PPP1R21: variants seen among roughly 807,000 people sequenced by gnomAD.
PPP1R21 encodes protein phosphatase 1 regulatory subunit 21, also known as KLRAQ motif containing 1.
A neutral mutation model predicts 112.8 loss-of-function variants in PPP1R21; 85 were observed. That is an observed-to-expected ratio of 0.75 (90% CI 0.63 to 0.90). The LOEUF (loss-of-function observed/expected upper bound fraction) is 0.90. Among genes scored for constraint, PPP1R21 ranks in the 40% least tolerant of loss-of-function variants. The probability of loss-of-function intolerance (pLI) is 0.00; values close to 1 mark genes in which losing one functional copy is unlikely to be tolerated. For missense variants in PPP1R21, 1,199 were observed against 901.5 expected, an observed-to-expected ratio of 1.33 and a Z score of -4.23; for synonymous variants, 381 against 322.3, an observed-to-expected ratio of 1.18 and a Z score of -1.95.
intron 19 of PPP1R21, among the ~76,000 whole-genome samples, chr2:48,507,751 T>C (rs1195569808): frequency 4.1e-4 from 21 of 51,296 alleles, no homozygotes; most frequent in Non-Finnish European, 7.9e-4. Context: ...GGCTCTGCCT[T>C]TTTTTTTTTT....
At chr2:48,458,371 CTT>C in intron 4 of PPP1R21, 144 bp downstream of exon 4, 1 of 535,564 alleles carries the variant, frequency 1.9e-6, no homozygotes, top group South Asian at 2.0e-5. Context: ...GTCACTGTCA[CTT>C]ATTCATTTCT....
At chr2:48,486,833 G>A (rs78164393) in intron 14 of PPP1R21, 75 bp downstream of exon 14, 11 of 1,495,754 alleles carry the variant, frequency 7.4e-6, no homozygotes, top group Non-Finnish European at 8.2e-6. Flanking sequence ...ATAGGAAAAT[G>A]GATCTGTAAA....
rs546589181 is a variant in PPP1R21 at position 48,514,957 on chromosome 2, G to A, written c.*213G>A. 37 of 550,220 alleles carry A rather than the reference G, an allele frequency of 6.7e-5. No individual in the cohort carries two copies. In the South Asian group the frequency reaches 1.0e-3, roughly 15 times the overall value. The allele number at this position is 550,220 out of a possible 1,614,324, so 34.1% of individuals were successfully genotyped here. On this transcript the variant is annotated 3_prime_UTR_variant, in exon 22 of 22. Coordinates refer to ENST00000294952, the MANE Select transcript of PPP1R21 (RefSeq NM_001135629.3). The stretch of plus-strand genomic sequence containing the variant: ...CAGAAGTTGATGTCGGCAGTAAATG[G>A]AAAACAATACGTATGTCATGGATAT...
At chr2:48,503,157 G>T (rs903019653) in intron 17 of PPP1R21, among the ~76,000 whole-genome samples, 1 of 152,060 alleles carries the variant, frequency 6.6e-6, no homozygotes, top group Non-Finnish European at 1.5e-5. Context: ...TGCCGGAATG[G>T]AAAAGCATTG....
chr2:48,484,415 G>C (rs1669179195), intron 13 of PPP1R21, among the ~76,000 whole-genome samples: 1 of 151,828 alleles, frequency 6.6e-6, no homozygotes, highest in Admixed American at 6.6e-5. Context: ...ATAAATCTAT[G>C]GTCTAAGTCA....
intron 3 of PPP1R21, chr2:48,457,881 T>C: frequency 7.3e-6 from 3 of 413,380 alleles, no homozygotes; most frequent in Non-Finnish European, 1.4e-5. Context: ...CTGCAAAGAA[T>C]AGTAAGCCTT....
At chr2:48,453,416 C>T (rs1572832437) in intron 2 of PPP1R21, among the ~76,000 whole-genome samples, 1 of 152,088 alleles carries the variant, frequency 6.6e-6, no homozygotes, top group Non-Finnish European at 1.5e-5. Flanking sequence ...TGGTCTCCAG[C>T]TTTTGGGCTT....
At chr2:48,447,902 A>T (rs934621239) in intron 1 of PPP1R21, among the ~76,000 whole-genome samples, 1 of 152,096 alleles carries the variant, frequency 6.6e-6, no homozygotes, top group Non-Finnish European at 1.5e-5. Context: ...GTGAGCTGAG[A>T]TTGCACCACT....
At chr2:48,498,397 G>T in intron 16 of PPP1R21, 96 bp from the exon 17 acceptor site, 1 of 1,165,868 alleles carries the variant, frequency 8.6e-7, no homozygotes, top group East Asian at 2.4e-5. Flanking sequence ...TTACCTCTGT[G>T]GGGTAGTTTT....
At chr2:48,485,894 AATAT>A (rs1669265899) in intron 13 of PPP1R21, among the ~76,000 whole-genome samples, 1 of 146,554 alleles carries the variant, frequency 6.8e-6, no homozygotes, top group Non-Finnish European at 1.5e-5. Context: ...TATACTAACT[AATAT>A]ATACAATTGT....
intron 1 of PPP1R21, among the ~76,000 whole-genome samples, chr2:48,449,880 T>C (rs1667401451): frequency 6.6e-6 from 1 of 152,138 alleles, no homozygotes; most frequent in African/African-American, 2.4e-5. Flanking sequence ...CTGTAAACCT[T>C]TTGCTTCAGC....
intron 3 of PPP1R21, among the ~76,000 whole-genome samples, chr2:48,455,983 C>T (rs374798924): frequency 1.4e-5 from 2 of 147,128 alleles, no homozygotes; most frequent in South Asian, 4.4e-4. Flanking sequence ...CCACTGCGCT[C>T]CGACCTGGGT....
At chr2:48,459,720 A>G in intron 4 of PPP1R21, 34 bp from the exon 5 acceptor site, 1 of 1,600,934 alleles carries the variant, frequency 6.2e-7, no homozygotes, top group South Asian at 1.1e-5. Context: ...ATATTAGGAT[A>G]TTGTGAGAAG....
intron 13 of PPP1R21, among the ~76,000 whole-genome samples, chr2:48,482,731 G>A (rs1379608702): frequency 2.7e-5 from 4 of 148,454 alleles, no homozygotes; most frequent in Non-Finnish European, 5.9e-5. Flanking sequence ...ATAGACCAAC[G>A]TTTCCCAAAG....
chr2:48,488,235 C>G (rs1489866728), intron 14 of PPP1R21, among the ~76,000 whole-genome samples: 1 of 152,130 alleles, frequency 6.6e-6, no homozygotes, highest in Non-Finnish European at 1.5e-5. Flanking sequence ...AGGACCATCC[C>G]CACTGCCTCC....
In PPP1R21 at chr2:48,498,716, C is replaced by G. The variant is rs1203024094; in HGVS notation, c.1916C>G (p.Pro639Arg). 8 of 1,614,160 alleles carry G rather than the reference C, an allele frequency of 5.0e-6. No homozygotes were observed. Among genetic ancestry groups the G allele is most frequent in the Non-Finnish European group, 5.9e-6 (7 of 1,180,028 alleles). ...GCCACAGCTAAGGCTGTGTTGGAGC[C>G]CATTCAGAGCACCAGTCTAGTAAGT... ...DEATAKAVLE[P>R]IQSTSLIGTL... is the part of the protein sequence containing the mutation. The change falls in exon 17 of 22, where the codon CCC (proline) becomes CGC (arginine). Residue 639 changes from proline (P) to arginine (R), a missense_variant. Physicochemically the swap from Pro to Arg is moderately radical, Grantham distance 103. Transcript: ENST00000294952.
At chr2:48,445,933 A>G (rs942500918) in intron 1 of PPP1R21, among the ~76,000 whole-genome samples, 4 of 152,228 alleles carry the variant, frequency 2.6e-5, no homozygotes, top group Non-Finnish European at 2.9e-5. Flanking sequence ...TTTAGGGGTC[A>G]TCCAGGCCAG....
At chr2:48,479,602 A>G in intron 12 of PPP1R21, 1 of 535,780 alleles carries the variant, frequency 1.9e-6, no homozygotes, top group Non-Finnish European at 3.7e-6. Context: ...GTAGGGAATG[A>G]AAAATGCATT....
At chr2:48,441,739 G>A (rs1230839024) in intron 1 of PPP1R21, among the ~76,000 whole-genome samples, 2 of 152,202 alleles carry the variant, frequency 1.3e-5, no homozygotes, top group East Asian at 1.9e-4. Flanking sequence ...GGAAAAGGAT[G>A]CTGCAGTTTC....
Sources: allele counts gnomAD v4.1 joint callset (sites outside exome capture counted in the v4.1 genomes callset), GRCh38; gene constraint gnomAD v4.1.1; transcripts MANE v1.5; gene names NCBI Gene and HGNC (gene_info 2026-07-23, HGNC 2026-07-21).